The following LAMA2 variants were observed in gnomAD, a reference collection of about 807,000 sequenced individuals.
LAMA2 encodes the protein laminin subunit alpha-2.
In LAMA2, 269 loss-of-function variants were observed where a neutral mutation model predicts 364.8. The observed-to-expected ratio is 0.74, with a 90% confidence interval of 0.67 to 0.82. The LOEUF is 0.82. Ranked by LOEUF, LAMA2 falls within the 40% of genes least tolerant of loss-of-function variation. The probability of loss-of-function intolerance (pLI) is 0.00; values close to 1 mark genes in which losing one functional copy is unlikely to be tolerated. For synonymous variants in LAMA2, 1,379 were observed against 1,370.6 expected, an observed-to-expected ratio of 1.01 and a Z score of -0.14; for missense variants, 3,807 against 3,873.2, an observed-to-expected ratio of 0.98 and a Z score of 0.45.
chr6:129,040,542 T>A (rs1320841354), intron 1 of LAMA2, among the ~76,000 whole-genome samples: 2 of 152,140 alleles, frequency 1.3e-5, no homozygotes, highest in African/African-American at 4.8e-5. Context: ...GGCAAGAGGA[T>A]CACTTGAGCC....
At chr6:129,103,206 CA>C (rs1775614528) in intron 4 of LAMA2, among the ~76,000 whole-genome samples, 2 of 152,118 alleles carry the variant, frequency 1.3e-5, no homozygotes, top group Non-Finnish European at 2.9e-5. Flanking sequence ...TATATTTATC[CA>C]GTTTGTCTAG....
At chr6:129,208,554 A>G (rs979399501) in intron 12 of LAMA2, among the ~76,000 whole-genome samples, 42 of 135,188 alleles carry the variant, frequency 3.1e-4, no homozygotes, top group African/African-American at 1.4e-3. Flanking sequence ...AAGGAAGAGA[A>G]AGAAAGAAAG....
chr6:129,382,850 T>C (rs1164882374), intron 34 of LAMA2, among the ~76,000 whole-genome samples: 1 of 152,202 alleles, frequency 6.6e-6, no homozygotes, highest in Non-Finnish European at 1.5e-5. Flanking sequence ...CAAAAATAAT[T>C]GTGCTTTATT....
Position 129,453,046 on chromosome 6 carries a change from A to G in LAMA2, c.6488A>G (p.Lys2163Arg), listed in dbSNP as rs1782764711. 1.2e-6 allele frequency: 2 copies of G among 1,612,838 alleles called. No individual in the cohort carries two copies. The highest frequency in any genetic ancestry group is 1.3e-5 in the African/African-American group (1 of 74,890). Residue 2163 changes from lysine to arginine, a missense_variant, in exon 46 of 65, where the codon AAG becomes AGG. Physicochemically the swap from Lys to Arg is conservative, Grantham distance 26. Transcript: ENST00000421865. ...ATTCGAACATACAAACCAGAAATCA[A>G]GAAAGGAAGTTACAATAATATTGTT... ...DCIRTYKPEI[K>R]KGSYNNIVVN...
At position 129,454,158 on chromosome 6, in the gene LAMA2, G is replaced by A; in HGVS notation, c.6577G>A (p.Asp2193Asn). 6.2e-7 allele frequency: 1 copy of A among 1,612,062 alleles called. No homozygotes were observed. The highest frequency in any genetic ancestry group is 8.5e-7 in the Non-Finnish European group (1 of 1,178,484). ...TTTTTGTATTTCTCTGAACTAGATT[G>A]ACTTTCTGGCTATAGAAATGCGTAA... ...LFYLGSAKFI[D>N]FLAIEMRKGK... The change falls in exon 47 of 65, where the codon GAC becomes AAC. Residue 2193 changes from aspartate (D) to asparagine (N), a missense_variant. Physicochemically the swap from Asp to Asn is conservative, Grantham distance 23. Coordinates refer to ENST00000421865, the MANE Select transcript of LAMA2 (RefSeq NM_000426.4).
At chr6:129,507,362 G>A (rs368941597) in intron 61 of LAMA2, 127 bp from the exon 62 acceptor site, 1 of 971,998 alleles carries the variant, frequency 1.0e-6, no homozygotes, top group Non-Finnish European at 1.6e-6. Context: ...GGCAGCTTTG[G>A]GGGATATCCC....
At chr6:129,467,347 G>A (rs764117374) in intron 51 of LAMA2, among the ~76,000 whole-genome samples, 5 of 151,718 alleles carry the variant, frequency 3.3e-5, no homozygotes, top group African/African-American at 1.2e-4. Context: ...AGACACTGGG[G>A]ACTCCAAAAG....
At chr6:129,384,093 T>C (rs749158122) in intron 35 of LAMA2, among the ~76,000 whole-genome samples, 18 of 152,116 alleles carry the variant, frequency 1.2e-4, no homozygotes, top group Non-Finnish European at 2.2e-4. Flanking sequence ...AGAGACAAAC[T>C]CCCAAATGTT....
chr6:129,162,938 C>T (rs1394594310), intron 8 of LAMA2, among the ~76,000 whole-genome samples: 3 of 152,018 alleles, frequency 2.0e-5, no homozygotes, highest in Non-Finnish European at 4.4e-5. Context: ...CTTTATATGG[C>T]TTATTTTACT....
rs1458300620 is a variant in LAMA2, at chr6:129,026,822, G to A, written c.113-23096G>A. 2.0e-5 allele frequency among the ~76,000 whole-genome samples: 3 copies of A among 152,066 alleles called. No individual in the cohort carries two copies. The East Asian group carries it at 5.8e-4, about 29-fold the overall frequency. ...GAGTTTTCAAGCCAGATGTCCCTTG[G>A]CATTTACATGGAAGAAGTCTACTGT... On this transcript the variant is annotated intron_variant, in intron 1 of 64. Transcript: ENST00000421865.
chr6:129,223,742 G>A (rs1354522014), intron 12 of LAMA2, among the ~76,000 whole-genome samples: 1 of 152,166 alleles, frequency 6.6e-6, no homozygotes, highest in African/African-American at 2.4e-5. Flanking sequence ...TTTGGTTACT[G>A]TAGCCTTGTA....
chr6:129,082,242 T>C (rs1036373909), intron 3 of LAMA2, among the ~76,000 whole-genome samples: 5 of 152,126 alleles, frequency 3.3e-5, no homozygotes, highest in African/African-American at 1.2e-4. Context: ...TATTGAATAA[T>C]GCATTGCTTT....
intron 32 of LAMA2, among the ~76,000 whole-genome samples, chr6:129,363,795 A>G (rs1307967203): frequency 6.6e-6 from 1 of 152,162 alleles, no homozygotes; most frequent in African/African-American, 2.4e-5. Flanking sequence ...AAGCTTGAGA[A>G]CCAGACTGTG....
At chr6:129,182,069 A>G (rs1471425850) in intron 10 of LAMA2, among the ~76,000 whole-genome samples, 2 of 151,916 alleles carry the variant, frequency 1.3e-5, no homozygotes, top group African/African-American at 4.8e-5. Context: ...TATAAAAAGC[A>G]GTAGTATTTC....
intron 5 of LAMA2, among the ~76,000 whole-genome samples, chr6:129,146,354 T>G (rs1778430823): frequency 6.6e-6 from 1 of 152,010 alleles, no homozygotes; most frequent in Non-Finnish European, 1.5e-5. Context: ...GTAACATAGC[T>G]CTATGTTAAC....
At chr6:129,274,020 T>G (rs1364206833) in intron 17 of LAMA2, among the ~76,000 whole-genome samples, 1 of 151,954 alleles carries the variant, frequency 6.6e-6, no homozygotes, top group East Asian at 1.9e-4. Flanking sequence ...TTATTTTAAA[T>G]TCCAGCTTTC....
rs180817099 is a variant in LAMA2 at position 129,232,809 on chromosome 6, A to G, written c.1783-17303A>G. ...ATCCAGGTGGACCGAATCCAGTCAC[A>G]TGAGACCTTAAAAGTAGAAGAGGGG... On this transcript the variant is annotated intron_variant, in intron 12 of 64. Transcript: ENST00000421865. Among the ~76,000 whole-genome samples, 298 of 152,280 alleles carry G rather than the reference A, an allele frequency of 2.0e-3. 2 individuals are homozygous for G. The highest frequency in any genetic ancestry group is 9.5e-3 in the Admixed American group (145 of 15,274).
chr6:129,273,178 G>A (rs1788060645), intron 17 of LAMA2, among the ~76,000 whole-genome samples: 2 of 152,148 alleles, frequency 1.3e-5, no homozygotes, highest in Admixed American at 6.6e-5. Context: ...GCCTATGATA[G>A]TCATAACATG....
At chr6:128,893,042 A>AT (rs1776556837) in intron 1 of LAMA2, among the ~76,000 whole-genome samples, 2 of 152,012 alleles carry the variant, frequency 1.3e-5, no homozygotes, top group Admixed American at 1.3e-4. Flanking sequence ...GCAAATATTC[A>AT]TTTTTTCATT....
Sources: gnomAD v4.1 joint callset for allele counts (sites outside exome capture counted in the v4.1 genomes callset) on GRCh38, gnomAD v4.1.1 for gene constraint, MANE v1.5 for transcripts, NCBI Gene and HGNC (gene_info 2026-07-23, HGNC 2026-07-21) for gene names.